KCNH7: variants seen among roughly 807,000 people sequenced by gnomAD.
The protein encoded by KCNH7 is potassium voltage-gated channel subfamily H member 7.
A neutral mutation model predicts 120.8 loss-of-function variants in KCNH7; 49 were observed. The ratio of observed to expected loss-of-function variants is 0.41; its 90% CI spans 0.32 to 0.51. The LOEUF is 0.51. KCNH7 is among the 20% of genes least tolerant of loss of function. The probability of loss-of-function intolerance (pLI) is 0.38; values close to 1 mark genes in which losing one functional copy is unlikely to be tolerated. For synonymous variants in KCNH7, 547 were observed against 516.1 expected (o/e 1.06, Z -0.81); for missense variants, 1,097 against 1,446.6 (o/e 0.76, Z 3.92).
intron 2 of KCNH7, among the ~76,000 whole-genome samples, chr2:162,751,846 A>G (rs1455270027): frequency 6.6e-6 from 1 of 152,056 alleles, no homozygotes; most frequent in Non-Finnish European, 1.5e-5. Flanking sequence ...GATTGTACAA[A>G]TAATTCATGA....
At chr2:162,374,511 T>C (rs1686090394) in intron 14 of KCNH7, among the ~76,000 whole-genome samples, 1 of 152,184 alleles carries the variant, frequency 6.6e-6, no homozygotes, top group South Asian at 2.1e-4. Flanking sequence ...TATGCCTCTT[T>C]AGAAAATTCT....
chr2:162,765,871 G>A (rs558162649), intron 2 of KCNH7, among the ~76,000 whole-genome samples: 12 of 151,960 alleles, frequency 7.9e-5, no homozygotes, highest in South Asian at 6.2e-4. Flanking sequence ...ATGATCCTCC[G>A]GCCTCAGCCT....
In KCNH7 at chr2:162,429,383, C is replaced by CTTTTTTTTTTTTTTTTTT. The variant is rs60854157; in HGVS notation, c.1954+5797_1954+5814dup. Among the ~76,000 whole-genome samples the CTTTTTTTTTTTTTTTTTT allele has an allele frequency of 3.9e-4, 34 of 86,236 alleles. 3 individuals carry two copies. Among genetic ancestry groups the CTTTTTTTTTTTTTTTTTT allele is most frequent in the African/African-American group, 1.9e-3 (30 of 15,972 alleles). 56.6% of individuals were successfully genotyped at this position (86,236 alleles called of 152,430 possible). A position where few individuals can be genotyped will look rare whatever the true frequency, so the allele number is the denominator to read the frequency against. ...AGACATTTAGAAATGAGGAAAAAGT[C>CTTTTTTTTTTTTTTTTTT]TTTTTTTTTTTTTTTTTTTTTTACT... On this transcript the variant is annotated intron_variant, in intron 8 of 15. Coordinates refer to ENST00000332142, the MANE Select transcript of KCNH7 (RefSeq NM_033272.4).
At chr2:162,814,253 G>A (rs770729909) in intron 2 of KCNH7, among the ~76,000 whole-genome samples, 2 of 152,124 alleles carry the variant, frequency 1.3e-5, no homozygotes, top group Non-Finnish European at 2.9e-5. Flanking sequence ...GAATCCATTG[G>A]CACACTTCCT....
chr2:162,410,393 G>A (rs1477822189), intron 9 of KCNH7, among the ~76,000 whole-genome samples: 1 of 151,976 alleles, frequency 6.6e-6, no homozygotes, highest in Non-Finnish European at 1.5e-5. Flanking sequence ...GATTGAAACT[G>A]GACCCTTATG....
Position 162,428,773 on chromosome 2 carries a change from A to T in KCNH7, c.1955-5238T>A, listed in dbSNP as rs141941858. 4.5e-3 allele frequency among the ~76,000 whole-genome samples: 689 copies of T among 152,028 alleles called. 5 individuals carry two copies. Among genetic ancestry groups the T allele is most frequent in the African/African-American group, 0.016 (661 of 41,564 alleles). On this transcript the variant is annotated intron_variant, in intron 8 of 15. Transcript: ENST00000332142. ...TATATTTGTCTATTTTATCTTTGGT[A>T]ATAGTACCTGTCCTGAAGTTAATAA...
At chr2:162,534,354 G>A (rs1039365472) in intron 3 of KCNH7, among the ~76,000 whole-genome samples, 4 of 151,140 alleles carry the variant, frequency 2.6e-5, no homozygotes, top group African/African-American at 4.8e-5. Context: ...TGGGAAAAAA[G>A]CTACTGATTA....
intron 2 of KCNH7, among the ~76,000 whole-genome samples, chr2:162,644,520 C>T (rs1684283611): frequency 6.6e-6 from 1 of 152,102 alleles, no homozygotes; most frequent in South Asian, 2.1e-4. Context: ...CAAAACGGTA[C>T]TTCAGTGGTT....
At chr2:162,536,783 G>A (rs1692123739) in intron 3 of KCNH7, 142 bp downstream of exon 3, 1 of 821,664 alleles carries the variant, frequency 1.2e-6, no homozygotes, top group Non-Finnish European at 1.9e-6. Context: ...AAGGTAACAT[G>A]AGCTAATGGC....
chr2:162,795,883 C>T (rs1401760007), intron 2 of KCNH7: 1 of 151,992 alleles, frequency 6.6e-6, no homozygotes, highest in Non-Finnish European at 1.5e-5. Flanking sequence ...ATCCTATGTA[C>T]ACAGAATTAC....
chr2:162,379,848 T>G lies in KCNH7; in HGVS notation c.3131+5A>C, dbSNP rs1686348180. The stretch of plus-strand genomic sequence containing the variant: ...TGTTCTCCTTTTGCCCATCACTGCT[T>G]ATACCTGTTAAGTTGCTCCTGGAGC... On this transcript the variant is annotated splice_donor_5th_base_variant and intron_variant, in intron 14 of 15. Transcript: ENST00000332142. 6.2e-7 allele frequency: 1 copy of G among 1,613,694 alleles called. No homozygotes were observed. The highest frequency in any genetic ancestry group is 1.3e-5 in the African/African-American group (1 of 74,906).
chr2:162,608,072 T>C (rs538690524), intron 2 of KCNH7, among the ~76,000 whole-genome samples: 1 of 152,318 alleles, frequency 6.6e-6, no homozygotes, highest in South Asian at 2.1e-4. Context: ...AGTTCCCAAA[T>C]GTAGTAGTTG....
At chr2:162,690,290 A>C (rs958582241) in intron 2 of KCNH7, among the ~76,000 whole-genome samples, 11 of 152,138 alleles carry the variant, frequency 7.2e-5, no homozygotes, top group Non-Finnish European at 1.6e-4. Flanking sequence ...TAGGCTTAAT[A>C]CCTAGGTAAT....
At chr2:162,802,756 T>C (rs1392173905) in intron 2 of KCNH7, among the ~76,000 whole-genome samples, 1 of 151,816 alleles carries the variant, frequency 6.6e-6, no homozygotes, top group Non-Finnish European at 1.5e-5. Flanking sequence ...ATCTTTAAAA[T>C]GCAATGTCCA....
chr2:162,487,900 C>T (rs576584649), intron 6 of KCNH7, among the ~76,000 whole-genome samples: 6 of 152,282 alleles, frequency 3.9e-5, no homozygotes, highest in African/African-American at 9.6e-5. Flanking sequence ...GAAAATGCCA[C>T]GTCTGCTACG....
chr2:162,446,595 A>G lies in KCNH7; in HGVS notation c.1129-152T>C, dbSNP rs945578282. ...TATTTATGAAACACACACATACATT[A>G]CATAAACCCATATAAACTTATACAG... On this transcript the variant is annotated intron_variant, in intron 6 of 15. Transcript: ENST00000332142. The G allele has an allele frequency of 8.3e-6, 5 of 601,730 alleles. No homozygotes were observed. The African/African-American group carries it at 9.3e-5, about 11-fold the overall frequency. The allele number at this position is 601,730 out of a possible 1,614,324, so 37.3% of individuals were successfully genotyped here.
intron 2 of KCNH7, among the ~76,000 whole-genome samples, chr2:162,575,535 T>C (rs1045363574): frequency 2.6e-5 from 4 of 152,044 alleles, no homozygotes; most frequent in African/African-American, 9.7e-5. Flanking sequence ...ATCTCCCAAT[T>C]TCAAATGCTG....
chr2:162,799,366 C>T (rs952302944), intron 2 of KCNH7, among the ~76,000 whole-genome samples: 3 of 151,878 alleles, frequency 2.0e-5, no homozygotes, highest in East Asian at 1.9e-4. Context: ...ATTTTACTAT[C>T]GAACTGCATA....
Position 162,456,332 on chromosome 2 carries a change from A to G in KCNH7, c.1129-9889T>C, listed in dbSNP as rs919312533. Among the ~76,000 whole-genome samples the G allele has an allele frequency of 2.0e-5, 3 of 147,694 alleles. No homozygotes were observed. The South Asian group carries it at 6.3e-4, about 31-fold the overall frequency. On this transcript the variant is annotated intron_variant, in intron 6 of 15. Coordinates refer to ENST00000332142, the MANE Select transcript of KCNH7 (RefSeq NM_033272.4). ...TTATAATTTCCATAATACATAATGGAAATTATAATTTATACATTATACAAA... is the reference window on the plus strand; with the variant it reads ...TTATAATTTCCATAATACATAATGGGAATTATAATTTATACATTATACAAA...
Sources: allele counts gnomAD v4.1 joint callset (sites outside exome capture counted in the v4.1 genomes callset), GRCh38; gene constraint gnomAD v4.1.1; transcripts MANE v1.5; gene names NCBI Gene and HGNC (gene_info 2026-07-23, HGNC 2026-07-21).